The following PAN3 variants were observed in gnomAD, a reference collection of about 807,000 sequenced individuals.
PAN3 encodes the protein PAN2-PAN3 deadenylation complex subunit PAN3.
In PAN3, 19 loss-of-function variants were observed where a neutral mutation model predicts 96.2. That is an observed-to-expected ratio of 0.20 (90% confidence interval 0.14 to 0.29). The LOEUF is 0.29. Among genes scored for constraint, PAN3 ranks in the 10% least tolerant of loss-of-function variants. PAN3 has a pLI of 1.00. For missense variants in PAN3, 882 were observed against 1,108.1 expected (o/e 0.80, Z 2.90); for synonymous variants, 433 against 406.6 (o/e 1.06, Z -0.78).
chr13:28,142,506 T>C (rs1385331342), intron 1 of PAN3, among the ~76,000 whole-genome samples: 1 of 143,508 alleles, frequency 7.0e-6, no homozygotes, highest in Non-Finnish European at 1.5e-5. Context: ...TTAAAATAGA[T>C]GGCAATTTTT....
chr13:28,247,188 A>G (rs1884275376), intron 6 of PAN3, among the ~76,000 whole-genome samples: 1 of 151,834 alleles, frequency 6.6e-6, no homozygotes, highest in Non-Finnish European at 1.5e-5. Flanking sequence ...GACTTTTTTC[A>G]TATAACTTGG....
At chr13:28,285,924 C>T (rs1391037568) in intron 17 of PAN3, among the ~76,000 whole-genome samples, 2 of 152,030 alleles carry the variant, frequency 1.3e-5, no homozygotes, top group East Asian at 3.8e-4. Context: ...AAGTTTTGTT[C>T]CATTCCCTGC....
chr13:28,206,315 CTTTTTTTTTTT>C (rs71086837), intron 5 of PAN3, among the ~76,000 whole-genome samples: 6 of 94,930 alleles, frequency 6.3e-5, no homozygotes, highest in South Asian at 7.1e-4. Flanking sequence ...GTCTAACTGA[CTTTTTTTTTTT>C]TTTTTTTTTT....
intron 6 of PAN3, chr13:28,239,648 T>A (rs1224163847): frequency 5.4e-6 from 7 of 1,289,636 alleles, no homozygotes; most frequent in Non-Finnish European, 7.1e-6. Flanking sequence ...ACTGACTGAT[T>A]CGACTAAAGG....
At chr13:28,249,007 T>C (rs377095300) in intron 6 of PAN3, among the ~76,000 whole-genome samples, 2 of 152,214 alleles carry the variant, frequency 1.3e-5, no homozygotes, top group South Asian at 2.1e-4. Context: ...TTTGCAAATA[T>C]TTTCTCCTAT....
At chr13:28,161,904 G>A (rs1381585187) in intron 1 of PAN3, among the ~76,000 whole-genome samples, 1 of 152,054 alleles carries the variant, frequency 6.6e-6, no homozygotes, top group Non-Finnish European at 1.5e-5. Flanking sequence ...AGCTTCTGTG[G>A]GTTTTATAAC....
In PAN3 at chr13:28,197,552, T is replaced by C. The variant is rs1161595414; in HGVS notation, c.852+206T>C. ...TGGCTTTTTGAGCTTTTCCTCTTTG[T>C]AGAATATTTTACTTTTGTTTGTTTG... On this transcript the variant is annotated intron_variant, in intron 5 of 18. Transcript: ENST00000380958. 2.0e-5 allele frequency among the ~76,000 whole-genome samples: 3 copies of C among 152,030 alleles called. No individual in the cohort carries two copies. The East Asian group carries it at 5.8e-4, about 29-fold the overall frequency.
intron 6 of PAN3, among the ~76,000 whole-genome samples, chr13:28,243,166 T>A (rs1883844565): frequency 1.3e-5 from 2 of 152,194 alleles, no homozygotes; most frequent in African/African-American, 4.8e-5. Flanking sequence ...TATAGAGAAG[T>A]GCTCATAGTT....
At chr13:28,259,398 C>T (rs150492368) in intron 7 of PAN3, among the ~76,000 whole-genome samples, 87 of 151,912 alleles carry the variant, frequency 5.7e-4, no homozygotes, top group African/African-American at 2.1e-3. Context: ...CCTCCACCTC[C>T]GGGTTCAAAT....
At chr13:28,174,055 A>G (rs929596268) in intron 1 of PAN3, among the ~76,000 whole-genome samples, 1 of 152,236 alleles carries the variant, frequency 6.6e-6, no homozygotes, top group Non-Finnish European at 1.5e-5. Flanking sequence ...CTCAGAAAAT[A>G]AATTATTTCT....
chr13:28,145,312 C>T (rs187057335), intron 1 of PAN3, among the ~76,000 whole-genome samples: 1 of 151,852 alleles, frequency 6.6e-6, no homozygotes, highest in Non-Finnish European at 1.5e-5. Flanking sequence ...GTTTGGCTTT[C>T]AATTTTTTGA....
chr13:28,191,562 G>C (rs1877262616), intron 4 of PAN3, among the ~76,000 whole-genome samples: 2 of 152,244 alleles, frequency 1.3e-5, no homozygotes, highest in South Asian at 2.1e-4. Context: ...TCCAAAGTCA[G>C]TAGTACTGAA....
At chr13:28,263,717 G>A (rs1885925717) in intron 9 of PAN3, among the ~76,000 whole-genome samples, 1 of 152,048 alleles carries the variant, frequency 6.6e-6, no homozygotes, top group Non-Finnish European at 1.5e-5. Flanking sequence ...AATAGATTAA[G>A]AACTTACATG....
chr13:28,149,383 A>G (rs943229945), intron 1 of PAN3, among the ~76,000 whole-genome samples: 1 of 152,162 alleles, frequency 6.6e-6, no homozygotes, highest in African/African-American at 2.4e-5. Flanking sequence ...CTGTATTTAT[A>G]TACCATTGGT....
In PAN3 at chr13:28,294,006, G is replaced by T. The variant is rs1157473375; in HGVS notation, c.*1484G>T. The T allele has an allele frequency of 1.3e-5, 2 of 152,578 alleles. No homozygotes were observed. Among genetic ancestry groups the T allele is most frequent in the African/African-American group, 4.8e-5 (2 of 41,434 alleles). The allele number at this position is 152,578 out of a possible 1,614,324, so 9.5% of individuals were successfully genotyped here. A position where few individuals can be genotyped will look rare whatever the true frequency, so the allele number is the denominator to read the frequency against. On this transcript the variant is annotated 3_prime_UTR_variant, in exon 19 of 19. Transcript: ENST00000380958. ...TAATTACACATATTTGTATATTTCA[G>T]AGAAGTTTTTAATATTTCTCTGTCC...
At position 28,295,326 on chromosome 13, in the gene PAN3, C is replaced by A. The variant is rs189043920; in HGVS notation, c.*2804C>A. 2.0e-5 allele frequency: 3 copies of A among 152,254 alleles called. No homozygotes were observed. Among genetic ancestry groups the A allele is most frequent in the Admixed American group, 2.0e-4 (3 of 15,296 alleles). 9.4% of individuals were successfully genotyped at this position (152,254 alleles called of 1,614,324 possible). A position where few individuals can be genotyped will look rare whatever the true frequency, so the allele number is the denominator to read the frequency against. On this transcript the variant is annotated 3_prime_UTR_variant, in exon 19 of 19. Transcript: ENST00000380958. ...CAGCAGTATTTTTAATAAAGAATTA[C>A]AGAGATAAATTTGTCCTTTTCTTGC...
chr13:28,185,664 C>T (rs147440595), intron 4 of PAN3, among the ~76,000 whole-genome samples: 2 of 152,132 alleles, frequency 1.3e-5, no homozygotes, highest in East Asian at 1.9e-4. Context: ...CATATTTAAA[C>T]GTGAACTGAA....
intron 1 of PAN3, among the ~76,000 whole-genome samples, chr13:28,156,992 CAAAAA>C (rs35448291): frequency 4.3e-4 from 8 of 18,450 alleles, no homozygotes; most frequent in South Asian, 2.6e-3. Flanking sequence ...GAGACCCTGT[CAAAAA>C]AAAAAAAAAA....
intron 4 of PAN3, among the ~76,000 whole-genome samples, chr13:28,195,394 A>G (rs1287394108): frequency 1.3e-5 from 2 of 152,186 alleles, no homozygotes; most frequent in Non-Finnish European, 1.5e-5. Context: ...ACAGAATGAG[A>G]CACTGTCTCA....
Sources: gnomAD v4.1 joint callset for allele counts (sites outside exome capture counted in the v4.1 genomes callset) on GRCh38, gnomAD v4.1.1 for gene constraint, MANE v1.5 for transcripts, NCBI Gene and HGNC (gene_info 2026-07-23, HGNC 2026-07-21) for gene names.